Variants in LRMDA observed in about 807,000 individuals in gnomAD.
LRMDA encodes the protein leucine-rich melanocyte differentiation-associated protein.
LRMDA carries 18 observed loss-of-function variants against 29.8 expected under a neutral mutation model. That is an observed-to-expected ratio of 0.60 (90% CI 0.42 to 0.90). The LOEUF (loss-of-function observed/expected upper bound fraction) is 0.90, where lower values mean the gene tolerates loss of function less well. Ranked by LOEUF, LRMDA falls within the 40% of genes least tolerant of loss-of-function variation. The pLI is 0.00. For missense variants in LRMDA, 273 were observed against 273.9 expected, an observed-to-expected ratio of 1.00 and a Z score of 0.02; for synonymous variants, 125 against 109.4, an observed-to-expected ratio of 1.14 and a Z score of -0.89.
In LRMDA at chr10:76,005,631, A is replaced by G. The variant is rs185548426; in HGVS notation, c.132-30377A>G. Among the ~76,000 whole-genome samples, 4 of 151,180 alleles carry G rather than the reference A, an allele frequency of 2.6e-5. No homozygotes were observed. The East Asian group carries it at 7.9e-4, about 30-fold the overall frequency. On this transcript the variant is annotated intron_variant, in intron 2 of 6. Coordinates refer to ENST00000611255, the MANE Select transcript of LRMDA (RefSeq NM_001305581.2). Reference sequence around the variant, plus strand: ...TCTAAAAATAAATAAGTAAATACCTAAAAAAAATAAATAAATGGGCCAGGC... The same window carrying G: ...TCTAAAAATAAATAAGTAAATACCTGAAAAAAATAAATAAATGGGCCAGGC...
chr10:75,433,783 C>T (rs1215077057), intron 1 of LRMDA, among the ~76,000 whole-genome samples: 1 of 152,064 alleles, frequency 6.6e-6, no homozygotes, highest in Non-Finnish European at 1.5e-5. Context: ...CCAGAGACAA[C>T]TTTCCCATAT....
chr10:76,112,670 TCTC>T (rs1318550055), intron 5 of LRMDA, among the ~76,000 whole-genome samples: 1 of 146,226 alleles, frequency 6.8e-6, no homozygotes, highest in African/African-American at 2.6e-5. Context: ...ACTAAACCCA[TCTC>T]CTACTGCACT....
chr10:75,514,939 GAC>G (rs1358734502), intron 2 of LRMDA, among the ~76,000 whole-genome samples: 2 of 152,040 alleles, frequency 1.3e-5, no homozygotes, highest in Non-Finnish European at 2.9e-5. Context: ...CCTTTCCGAT[GAC>G]TCTTTAGAAT....
intron 5 of LRMDA, among the ~76,000 whole-genome samples, chr10:76,313,892 T>C (rs1840659605): frequency 6.6e-6 from 1 of 152,118 alleles, no homozygotes; most frequent in Non-Finnish European, 1.5e-5. Flanking sequence ...TGAACAACTG[T>C]AGTTCCCACT....
intron 2 of LRMDA, among the ~76,000 whole-genome samples, chr10:75,631,277 G>A (rs1434385277): frequency 1.3e-5 from 2 of 151,996 alleles, no homozygotes; most frequent in Non-Finnish European, 2.9e-5. Flanking sequence ...CTCTACTCAG[G>A]TAGCTTGTGG....
At chr10:75,976,780 A>C (rs1312702035) in intron 2 of LRMDA, among the ~76,000 whole-genome samples, 2 of 152,228 alleles carry the variant, frequency 1.3e-5, no homozygotes, top group Admixed American at 6.5e-5. Context: ...CAGTAGCTCA[A>C]GGGCATACAG....
intron 5 of LRMDA, among the ~76,000 whole-genome samples, chr10:76,074,754 A>G (rs569462284): frequency 3.9e-5 from 6 of 151,962 alleles, no homozygotes; most frequent in African/African-American, 1.4e-4. Context: ...TTTTCCTCCT[A>G]GGTGAAATTC....
chr10:75,997,809 G>A (rs138702358), intron 2 of LRMDA, among the ~76,000 whole-genome samples: 1 of 152,260 alleles, frequency 6.6e-6, no homozygotes, highest in East Asian at 1.9e-4. Flanking sequence ...ATTTGACTGT[G>A]GTTTGTGATA....
At chr10:76,000,728 A>G (rs1012863496) in intron 2 of LRMDA, among the ~76,000 whole-genome samples, 1 of 152,112 alleles carries the variant, frequency 6.6e-6, no homozygotes. Context: ...GAGCTGTATC[A>G]TGTGACCCCA....
At chr10:75,794,623 ATATT>A (rs1047297956) in intron 2 of LRMDA, among the ~76,000 whole-genome samples, 1 of 152,152 alleles carries the variant, frequency 6.6e-6, no homozygotes, top group African/African-American at 2.4e-5. Flanking sequence ...TCTTTTGACT[ATATT>A]TATTCTATTA....
At chr10:75,639,035 G>C (rs185449740) in intron 2 of LRMDA, among the ~76,000 whole-genome samples, 2 of 152,226 alleles carry the variant, frequency 1.3e-5, no homozygotes, top group Admixed American at 1.3e-4. Flanking sequence ...GTTTTATTAC[G>C]TTTGCCTTTG....
chr10:75,567,137 G>T (rs1030467580), intron 2 of LRMDA, among the ~76,000 whole-genome samples: 1 of 151,768 alleles, frequency 6.6e-6, no homozygotes, highest in Admixed American at 6.6e-5. Flanking sequence ...CTTGTCCTCT[G>T]CTATTAGTTA....
chr10:75,698,663 C>CT (rs551699732), intron 2 of LRMDA, among the ~76,000 whole-genome samples: 1,882 of 130,568 alleles, frequency 0.014, 10 homozygotes, highest in African/African-American at 0.024. Flanking sequence ...ACCTTCACCT[C>CT]TTTTTTTTTT....
intron 5 of LRMDA, among the ~76,000 whole-genome samples, chr10:76,255,521 C>A (rs1407422769): frequency 6.6e-6 from 1 of 152,172 alleles, no homozygotes; most frequent in Non-Finnish European, 1.5e-5. Context: ...ACATATCATT[C>A]TTATTATTCA....
Position 76,498,649 on chromosome 10 carries a change from A to T in LRMDA, c.602-58560A>T, listed in dbSNP as rs1032505282. On this transcript the variant is annotated intron_variant, in intron 6 of 6. Transcript: ENST00000611255. ...TGAATTAAGGGCTGAACAAGGATGC[A>T]TGTCAGGGGTGAAACCCTTTGAAGA... is the stretch of plus-strand genomic sequence containing the variant. Among the ~76,000 whole-genome samples, 5 of 76,944 alleles carry T rather than the reference A, an allele frequency of 6.5e-5. 1 individual carries two copies. The highest frequency in any genetic ancestry group is 1.6e-4 in the African/African-American group (5 of 31,536). The allele number at this position is 76,944 out of a possible 152,430, so 50.5% of individuals were successfully genotyped here.
chr10:76,146,668 G>T (rs1489610909), intron 5 of LRMDA, among the ~76,000 whole-genome samples: 2 of 152,152 alleles, frequency 1.3e-5, no homozygotes, highest in Non-Finnish European at 2.9e-5. Flanking sequence ...TTTAATTGGA[G>T]CTTTTAGCCC....
chr10:75,944,228 T>C (rs1168231521), intron 2 of LRMDA, among the ~76,000 whole-genome samples: 2 of 152,192 alleles, frequency 1.3e-5, no homozygotes, highest in African/African-American at 4.8e-5. Flanking sequence ...ACAGAGGCCA[T>C]TCCATCATCT....
At chr10:75,435,674 G>A (rs551103553) in intron 1 of LRMDA, among the ~76,000 whole-genome samples, 21 of 152,300 alleles carry the variant, frequency 1.4e-4, no homozygotes, top group Non-Finnish European at 2.8e-4. Flanking sequence ...ACAGGCTGCT[G>A]ACAGTCTCAT....
intron 2 of LRMDA, among the ~76,000 whole-genome samples, chr10:75,469,587 CGTGT>C (rs59056579): frequency 0.45 from 67,799 of 150,754 alleles, 17,026 homozygotes; most frequent in African/African-American, 0.7. Flanking sequence ...AGTGTATGTG[CGTGT>C]GTGTGTGTGT....
Sources: allele counts gnomAD v4.1 joint callset (sites outside exome capture counted in the v4.1 genomes callset), GRCh38; gene constraint gnomAD v4.1.1; transcripts MANE v1.5; gene names NCBI Gene and HGNC (gene_info 2026-07-23, HGNC 2026-07-21).